The following GPC5 variants were observed in gnomAD, a reference collection of about 807,000 sequenced individuals.
GPC5 encodes glypican 5.
A neutral mutation model predicts 53.9 loss-of-function variants in GPC5; 47 were observed. The ratio of observed to expected loss-of-function variants is 0.87; its 90% CI spans 0.69 to 1.11. The LOEUF is 1.11. Among genes scored for constraint, GPC5 ranks in the 50% most tolerant of loss-of-function variants. GPC5 has a pLI of 0.00. For synonymous variants in GPC5, 286 were observed against 263.3 expected (o/e 1.09, Z -0.84); for missense variants, 748 against 713.1 (o/e 1.05, Z -0.56).
chr13:92,167,141 C>T (rs1157547271), intron 7 of GPC5, among the ~76,000 whole-genome samples: 1 of 152,032 alleles, frequency 6.6e-6, no homozygotes, highest in African/African-American at 2.4e-5. Flanking sequence ...AGTCTTACAT[C>T]TAAGACCCTA....
At chr13:91,758,688 C>T (rs2138647670) in intron 5 of GPC5, among the ~76,000 whole-genome samples, 1 of 152,250 alleles carries the variant, frequency 6.6e-6, no homozygotes, top group South Asian at 2.1e-4. Context: ...GTCCACATTT[C>T]TGATTAGCGA....
chr13:92,102,989 G>A (rs56743972), intron 6 of GPC5, among the ~76,000 whole-genome samples: 192 of 152,272 alleles, frequency 1.3e-3, no homozygotes, highest in African/African-American at 4.4e-3. Context: ...TTCCTGAGGA[G>A]CTGGGATGAC....
chr13:91,452,820 ATATTT>A (rs1211000635), intron 2 of GPC5, among the ~76,000 whole-genome samples: 1 of 152,134 alleles, frequency 6.6e-6, no homozygotes, highest in East Asian at 1.9e-4. Flanking sequence ...ATAAAAAATA[ATATTT>A]TAGAGGACAC....
intron 5 of GPC5, 26 bp downstream of exon 5, chr13:91,756,446 T>G: frequency 6.5e-7 from 1 of 1,538,974 alleles, no homozygotes; most frequent in Middle Eastern, 1.8e-4. Flanking sequence ...TGTGAAAACC[T>G]ACTAGTTACA....
At chr13:91,500,211 G>A (rs1884541078) in intron 2 of GPC5, among the ~76,000 whole-genome samples, 1 of 152,192 alleles carries the variant, frequency 6.6e-6, no homozygotes, top group African/African-American at 2.4e-5. Context: ...AATCCTTGAG[G>A]ATAGGGACTT....
chr13:92,408,651 C>CAT (rs1384884553), intron 7 of GPC5, among the ~76,000 whole-genome samples: 16 of 146,342 alleles, frequency 1.1e-4, no homozygotes, highest in Non-Finnish European at 2.2e-4. Flanking sequence ...CACACACACA[C>CAT]ACATATAATA....
intron 1 of GPC5, among the ~76,000 whole-genome samples, chr13:91,443,967 T>C (rs1320965828): frequency 6.6e-6 from 1 of 152,212 alleles, no homozygotes; most frequent in East Asian, 1.9e-4. Flanking sequence ...TATCCCATAT[T>C]AGACTCACAA....
intron 2 of GPC5, among the ~76,000 whole-genome samples, chr13:91,565,363 A>T (rs973647056): frequency 1.3e-5 from 2 of 152,166 alleles, no homozygotes; most frequent in Non-Finnish European, 2.9e-5. Flanking sequence ...AAAAATTTGG[A>T]GTTTATACTG....
At chr13:92,848,330 T>C (rs1314314579) in intron 7 of GPC5, among the ~76,000 whole-genome samples, 1 of 152,202 alleles carries the variant, frequency 6.6e-6, no homozygotes, top group East Asian at 1.9e-4. Flanking sequence ...CCCCAGGTTC[T>C]TTCTACTACA....
intron 7 of GPC5, among the ~76,000 whole-genome samples, chr13:92,482,585 A>G (rs1317027375): frequency 1.3e-5 from 2 of 152,118 alleles, no homozygotes; most frequent in African/African-American, 4.8e-5. Context: ...CCCCCCTTAA[A>G]TACTACTAGT....
chr13:91,524,877 C>G lies in GPC5; in HGVS notation c.325+75955C>G, dbSNP rs139398698. 7.0e-3 allele frequency among the ~76,000 whole-genome samples: 1,061 copies of G among 152,256 alleles called. 6 individuals carry two copies. The highest frequency in any genetic ancestry group is 0.017 in the Middle Eastern group (5 of 294). On this transcript the variant is annotated intron_variant, in intron 2 of 7. Coordinates refer to ENST00000377067, the MANE Select transcript of GPC5 (RefSeq NM_004466.6). ...TTCCCATTTTCTTTATAAAGGTCAA[C>G]ACAATTGAAATTACATGCAAGGCTA...
chr13:91,656,569 T>TA, intron 2 of GPC5, among the ~76,000 whole-genome samples: 1 of 152,146 alleles, frequency 6.6e-6, no homozygotes, highest in East Asian at 1.9e-4. Flanking sequence ...AATAATTTTT[T>TA]AAAAAACAAC....
chr13:91,406,473 T>A (rs1389711946), intron 1 of GPC5, among the ~76,000 whole-genome samples: 1 of 152,186 alleles, frequency 6.6e-6, no homozygotes, highest in Non-Finnish European at 1.5e-5. Flanking sequence ...TTTTTATACA[T>A]CCAGTTGCTT....
chr13:91,985,622 T>G (rs1221149332), intron 6 of GPC5, among the ~76,000 whole-genome samples: 2 of 152,202 alleles, frequency 1.3e-5, no homozygotes, highest in African/African-American at 4.8e-5. Flanking sequence ...GTAGTTAAAT[T>G]TGTTTTCAAT....
At chr13:92,334,211 G>C (rs867758899) in intron 7 of GPC5, among the ~76,000 whole-genome samples, 13 of 152,176 alleles carry the variant, frequency 8.5e-5, no homozygotes, top group Non-Finnish European at 1.5e-4. Context: ...GGCTAGGGAG[G>C]CCTCTCAGTC....
At chr13:92,080,993 A>T (rs1386523002) in intron 6 of GPC5, among the ~76,000 whole-genome samples, 2 of 152,210 alleles carry the variant, frequency 1.3e-5, no homozygotes, top group East Asian at 3.8e-4. Flanking sequence ...TGGGATGAGC[A>T]CTTATTTTAA....
At chr13:91,953,729 A>G (rs1159271567) in intron 6 of GPC5, among the ~76,000 whole-genome samples, 5 of 152,176 alleles carry the variant, frequency 3.3e-5, no homozygotes, top group Admixed American at 6.5e-5. Flanking sequence ...GAAATGTTCC[A>G]TTTCTTGGTT....
chr13:92,207,256 G>A (rs532381957), intron 7 of GPC5, among the ~76,000 whole-genome samples: 3 of 152,226 alleles, frequency 2.0e-5, no homozygotes, highest in Non-Finnish European at 2.9e-5. Flanking sequence ...AGAAAATACA[G>A]CTCCATTCAC....
chr13:92,527,257 A>AAGAAAGAAAG (rs1881391986), intron 7 of GPC5, among the ~76,000 whole-genome samples: 1 of 90,994 alleles, frequency 1.1e-5, no homozygotes, highest in Admixed American at 1.0e-4. Context: ...AAGAGAAAGA[A>AAGAAAGAAAG]AGAAAGAAAG....
Sources: allele counts gnomAD v4.1 joint callset (sites outside exome capture counted in the v4.1 genomes callset), GRCh38; gene constraint gnomAD v4.1.1; transcripts MANE v1.5; gene names NCBI Gene and HGNC (gene_info 2026-07-23, HGNC 2026-07-21).